SSBP2: variants seen among roughly 807,000 people sequenced by gnomAD.
SSBP2 encodes single-stranded DNA-binding protein 2.
In SSBP2, 17 loss-of-function variants were observed where a neutral mutation model predicts 61.8. The observed-to-expected ratio is 0.28, with a 90% CI of 0.19 to 0.41. SSBP2 has a LOEUF of 0.41. Ranked by LOEUF, SSBP2 falls within the 10% of genes least tolerant of loss-of-function variation. The pLI is 1.00. For synonymous variants in SSBP2, 139 were observed against 141.3 expected (o/e 0.98, Z 0.12); for missense variants, 310 against 458.7 (o/e 0.68, Z 2.96).
At chr5:81,721,393 T>G (rs1755535286) in intron 1 of SSBP2, among the ~76,000 whole-genome samples, 1 of 152,056 alleles carries the variant, frequency 6.6e-6, no homozygotes, top group South Asian at 2.1e-4. Flanking sequence ...TACTTCAGAC[T>G]GATGTCCCAG....
At chr5:81,464,288 T>G (rs1274730192) in intron 9 of SSBP2, among the ~76,000 whole-genome samples, 1 of 152,170 alleles carries the variant, frequency 6.6e-6, no homozygotes, top group Non-Finnish European at 1.5e-5. Context: ...TGTATTTAAT[T>G]TAGAAATACA....
At chr5:81,750,928 G>C (rs1413857567) in intron 1 of SSBP2, 53 bp downstream of exon 1, 1 of 1,541,052 alleles carries the variant, frequency 6.5e-7, no homozygotes, top group Non-Finnish European at 8.8e-7. Context: ...GAGTGCGTGC[G>C]TGAGTGTGCG....
intron 4 of SSBP2, among the ~76,000 whole-genome samples, chr5:81,550,923 C>T (rs539027736): frequency 2.4e-4 from 36 of 151,928 alleles, no homozygotes; most frequent in African/African-American, 7.5e-4. Flanking sequence ...GATGAAACCC[C>T]GTCTCTACTA....
At chr5:81,547,921 T>C (rs758568524) in intron 4 of SSBP2, among the ~76,000 whole-genome samples, 2 of 152,110 alleles carry the variant, frequency 1.3e-5, no homozygotes, top group African/African-American at 4.8e-5. Flanking sequence ...AAGGGAAGGA[T>C]GAAAAGATAG....
At chr5:81,597,749 A>G (rs1235071255) in intron 4 of SSBP2, among the ~76,000 whole-genome samples, 2 of 151,236 alleles carry the variant, frequency 1.3e-5, no homozygotes, top group Non-Finnish European at 3.0e-5. Context: ...TCAGCAAACT[A>G]TCGCAAGGAC....
chr5:81,577,585 A>C (rs1774308234), intron 4 of SSBP2, among the ~76,000 whole-genome samples: 1 of 152,096 alleles, frequency 6.6e-6, no homozygotes, highest in African/African-American at 2.4e-5. Context: ...TGAATGTAGG[A>C]TATATAGTAA....
intron 4 of SSBP2, among the ~76,000 whole-genome samples, chr5:81,546,443 G>A (rs996717120): frequency 4.0e-5 from 6 of 151,084 alleles, no homozygotes; most frequent in Middle Eastern, 6.4e-3. Flanking sequence ...TTTTCTTTAT[G>A]CTAGGGCACT....
intron 15 of SSBP2, among the ~76,000 whole-genome samples, chr5:81,429,401 G>A (rs886668509): frequency 2.0e-5 from 3 of 152,086 alleles, no homozygotes; most frequent in Non-Finnish European, 4.4e-5. Flanking sequence ...GCAGTGCGTT[G>A]CTTCATATTC....
chr5:81,518,455 G>GT (rs1769208544), intron 4 of SSBP2, among the ~76,000 whole-genome samples: 1 of 152,160 alleles, frequency 6.6e-6, no homozygotes, highest in Non-Finnish European at 1.5e-5. Flanking sequence ...GATGGAAGGA[G>GT]TTTTTTGTAG....
At chr5:81,624,420 A>C (rs887252198) in intron 3 of SSBP2, among the ~76,000 whole-genome samples, 1 of 152,142 alleles carries the variant, frequency 6.6e-6, no homozygotes, top group East Asian at 1.9e-4. Context: ...GAAGTGCTTC[A>C]GATTTAAATT....
At chr5:81,735,629 TA>T (rs1311012932) in intron 1 of SSBP2, among the ~76,000 whole-genome samples, 1 of 152,208 alleles carries the variant, frequency 6.6e-6, no homozygotes, top group Non-Finnish European at 1.5e-5. Flanking sequence ...GATTTTCGAA[TA>T]TTTTTAATCC....
intron 2 of SSBP2, among the ~76,000 whole-genome samples, chr5:81,649,409 G>A (rs1336404975): frequency 6.6e-6 from 1 of 151,808 alleles, no homozygotes; most frequent in Non-Finnish European, 1.5e-5. Flanking sequence ...GATGAAGATG[G>A]GGTACATATA....
chr5:81,569,025 G>A (rs1444258030), intron 4 of SSBP2, among the ~76,000 whole-genome samples: 5 of 152,164 alleles, frequency 3.3e-5, no homozygotes, highest in Admixed American at 3.3e-4. Context: ...GCCCCCTAGA[G>A]CAGAGAGGAC....
At chr5:81,446,217 C>G (rs550317590) in intron 12 of SSBP2, among the ~76,000 whole-genome samples, 2 of 150,544 alleles carry the variant, frequency 1.3e-5, no homozygotes, top group African/African-American at 5.0e-5. Context: ...AAGAAGGGTG[C>G]GCCAATTTAG....
intron 4 of SSBP2, among the ~76,000 whole-genome samples, chr5:81,598,127 C>T (rs962745853): frequency 6.6e-6 from 1 of 151,864 alleles, no homozygotes; most frequent in Non-Finnish European, 1.5e-5. Flanking sequence ...ACAGATCCAA[C>T]TTACTCAGAA....
chr5:81,568,704 CAT>C (rs1381198314), intron 4 of SSBP2, among the ~76,000 whole-genome samples: 2 of 152,166 alleles, frequency 1.3e-5, no homozygotes, highest in African/African-American at 4.8e-5. Context: ...GAGCCATTCA[CAT>C]ATGTATATTT....
intron 4 of SSBP2, among the ~76,000 whole-genome samples, chr5:81,560,657 G>A (rs1206645591): frequency 1.3e-5 from 2 of 152,120 alleles, no homozygotes; most frequent in Admixed American, 6.5e-5. Context: ...TTTTGTAAAG[G>A]TGCATTTGAA....
intron 3 of SSBP2, among the ~76,000 whole-genome samples, chr5:81,623,036 A>G (rs557889576): frequency 1.1e-3 from 148 of 131,042 alleles, no homozygotes; most frequent in African/African-American, 3.5e-3. Context: ...CTTACTGGGA[A>G]TAATAAAACC....
intron 1 of SSBP2, among the ~76,000 whole-genome samples, chr5:81,743,339 C>G (rs1409557344): frequency 6.6e-6 from 1 of 152,186 alleles, no homozygotes; most frequent in African/African-American, 2.4e-5. Context: ...CTGATTCTTT[C>G]AGTTCTCCGT....
Sources: allele counts gnomAD v4.1 joint callset (sites outside exome capture counted in the v4.1 genomes callset), GRCh38; gene constraint gnomAD v4.1.1; transcripts MANE v1.5; gene names NCBI Gene and HGNC (gene_info 2026-07-23, HGNC 2026-07-21).